Variants in LSAMP observed in about 807,000 individuals in gnomAD.
LSAMP encodes the protein limbic system associated membrane protein, also known as limbic system-associated membrane protein.
Under a neutral mutation model 38.6 loss-of-function variants are expected in LSAMP, and 7 were observed. That is an observed-to-expected ratio of 0.18 (90% CI 0.10 to 0.34). The LOEUF (loss-of-function observed/expected upper bound fraction) is 0.34, where lower values mean the gene tolerates loss of function less well. Among genes scored for constraint, LSAMP ranks in the 10% least tolerant of loss-of-function variants. The pLI is 1.00. For missense variants in LSAMP, 313 were observed against 420.0 expected, an observed-to-expected ratio of 0.75 and a Z score of 2.23; for synonymous variants, 154 against 166.8, an observed-to-expected ratio of 0.92 and a Z score of 0.59.
At chr3:116,316,524 G>A (rs774975637) in intron 1 of LSAMP, among the ~76,000 whole-genome samples, 1 of 152,198 alleles carries the variant, frequency 6.6e-6, no homozygotes, top group Non-Finnish European at 1.5e-5. Flanking sequence ...TGTAATCCCA[G>A]AACTTTGGGA....
At chr3:116,197,759 T>C (rs1051876434) in intron 1 of LSAMP, among the ~76,000 whole-genome samples, 2 of 152,210 alleles carry the variant, frequency 1.3e-5, no homozygotes, top group African/African-American at 4.8e-5. Flanking sequence ...AGATGTCTTT[T>C]CTGGGCATCT....
At chr3:116,162,353 A>C (rs568382637) in intron 1 of LSAMP, among the ~76,000 whole-genome samples, 5 of 152,206 alleles carry the variant, frequency 3.3e-5, no homozygotes, top group African/African-American at 1.2e-4. Flanking sequence ...CCCCTAGAAA[A>C]CCAGTTCTGG....
At chr3:116,381,563 C>A (rs574628202) in intron 1 of LSAMP, among the ~76,000 whole-genome samples, 5 of 152,196 alleles carry the variant, frequency 3.3e-5, no homozygotes, top group African/African-American at 1.2e-4. Context: ...ACTCAACAAA[C>A]CTTCAATTTT....
chr3:116,203,401 TTTA>T, intron 1 of LSAMP, among the ~76,000 whole-genome samples: 1 of 150,842 alleles, frequency 6.6e-6, no homozygotes, highest in South Asian at 2.1e-4. Context: ...TTATTTATTT[TTTA>T]TTTTTTTATT....
intron 3 of LSAMP, among the ~76,000 whole-genome samples, chr3:115,942,551 C>A (rs1937958366): frequency 6.6e-6 from 1 of 152,142 alleles, no homozygotes; most frequent in Non-Finnish European, 1.5e-5. Context: ...AAAATTTGAA[C>A]TGCAATGTTT....
chr3:115,974,701 G>A (rs1316963073), intron 3 of LSAMP, among the ~76,000 whole-genome samples: 1 of 152,060 alleles, frequency 6.6e-6, no homozygotes, highest in Non-Finnish European at 1.5e-5. Context: ...AGGAAGGGGT[G>A]AAAAAATGAC....
At chr3:116,291,794 GAC>G (rs1262907507) in intron 1 of LSAMP, among the ~76,000 whole-genome samples, 1 of 151,952 alleles carries the variant, frequency 6.6e-6, no homozygotes, top group Non-Finnish European at 1.5e-5. Flanking sequence ...TTGTAAAACA[GAC>G]ACATCCATTT....
chr3:116,083,662 A>G (rs1415138526), intron 2 of LSAMP, among the ~76,000 whole-genome samples: 1 of 152,212 alleles, frequency 6.6e-6, no homozygotes, highest in Non-Finnish European at 1.5e-5. Context: ...GCGGATGATC[A>G]TGGCAGGACA....
At chr3:116,005,492 C>G (rs1940130245) in intron 3 of LSAMP, among the ~76,000 whole-genome samples, 1 of 152,122 alleles carries the variant, frequency 6.6e-6, no homozygotes, top group Non-Finnish European at 1.5e-5. Flanking sequence ...CAGAACCACA[C>G]CTTTGACAGG....
At chr3:116,084,652 G>A (rs1707948449) in intron 2 of LSAMP, among the ~76,000 whole-genome samples, 1 of 151,960 alleles carries the variant, frequency 6.6e-6, no homozygotes, top group South Asian at 2.1e-4. Context: ...AATTTATTCA[G>A]TATAGGATAA....
chr3:115,894,795 C>T (rs1936688124), intron 3 of LSAMP, among the ~76,000 whole-genome samples: 1 of 151,974 alleles, frequency 6.6e-6, no homozygotes, highest in South Asian at 2.1e-4. Flanking sequence ...CTCAATATTT[C>T]CTCCCTCTTC....
In LSAMP at chr3:116,239,650, A is replaced by C. The variant is rs559965853; in HGVS notation, c.156-153094T>G. On this transcript the variant is annotated intron_variant, in intron 1 of 6. Coordinates refer to ENST00000490035, the MANE Select transcript of LSAMP (RefSeq NM_002338.5). ...AAATCAGGAAGGACCAAACAGAACA[A>C]CATTGGGTCTTTTAAAAATAGTGAG... Among the ~76,000 whole-genome samples, 28 of 152,336 alleles carry C rather than the reference A, an allele frequency of 1.8e-4. No homozygotes were observed. In the South Asian group the frequency reaches 3.5e-3, roughly 19 times the overall value.
intron 2 of LSAMP, among the ~76,000 whole-genome samples, chr3:116,063,121 A>G (rs1941625113): frequency 6.6e-6 from 1 of 152,064 alleles, no homozygotes; most frequent in African/African-American, 2.4e-5. Flanking sequence ...GTGTGTCTAT[A>G]CATAAATACC....
chr3:115,882,538 C>T (rs1051735265), intron 3 of LSAMP, among the ~76,000 whole-genome samples: 17 of 152,182 alleles, frequency 1.1e-4, no homozygotes, highest in African/African-American at 2.2e-4. Context: ...AAGAGCCATT[C>T]TCCTAAAAAT....
intron 2 of LSAMP, among the ~76,000 whole-genome samples, chr3:116,083,024 T>C (rs1427286715): frequency 6.6e-6 from 1 of 152,012 alleles, no homozygotes; most frequent in Non-Finnish European, 1.5e-5. Flanking sequence ...CTAAAATAAT[T>C]TTTTTAAAAA....
chr3:115,946,340 A>G (rs1485222477), intron 3 of LSAMP, among the ~76,000 whole-genome samples: 1 of 152,162 alleles, frequency 6.6e-6, no homozygotes, highest in Non-Finnish European at 1.5e-5. Flanking sequence ...TAACAGAACA[A>G]AAGGAATGGA....
intron 1 of LSAMP, among the ~76,000 whole-genome samples, chr3:116,244,832 TG>T (rs2046584662): frequency 6.6e-6 from 1 of 152,242 alleles, no homozygotes; most frequent in Non-Finnish European, 1.5e-5. Context: ...AACTGAATTT[TG>T]TTGATCTTAC....
intron 1 of LSAMP, among the ~76,000 whole-genome samples, chr3:116,424,962 C>T (rs6767942): frequency 0.18 from 27,509 of 150,952 alleles, 2,767 homozygotes; most frequent in Middle Eastern, 0.28. Context: ...CTTAAAAATG[C>T]CATCTCCAAG....
At chr3:116,179,609 A>G (rs773199735) in intron 1 of LSAMP, among the ~76,000 whole-genome samples, 1 of 152,130 alleles carries the variant, frequency 6.6e-6, no homozygotes, top group East Asian at 1.9e-4. Flanking sequence ...CATGTCTTAC[A>G]TGGCCGGAGC....
Sources: gnomAD v4.1 joint callset for allele counts (sites outside exome capture counted in the v4.1 genomes callset) on GRCh38, gnomAD v4.1.1 for gene constraint, MANE v1.5 for transcripts, NCBI Gene and HGNC (gene_info 2026-07-23, HGNC 2026-07-21) for gene names.